The following PLAAT3 variants were observed in gnomAD, a reference collection of about 807,000 sequenced individuals.
PLAAT3 encodes phospholipase A and acyltransferase 3, also known as Ca-independent phospholipase A1/2.
Under a neutral mutation model 16.7 loss-of-function variants are expected in PLAAT3, and 21 were observed. The ratio of observed to expected loss-of-function variants is 1.26; its 90% CI spans 0.89 to 1.81. The LOEUF (loss-of-function observed/expected upper bound fraction) is 1.81, where lower values mean the gene tolerates loss of function less well. Among genes scored for constraint, PLAAT3 ranks in the 40% most tolerant of loss-of-function variants. PLAAT3 has a pLI of 0.00. For synonymous variants in PLAAT3, 76 were observed against 81.7 expected (o/e 0.93, Z 0.38); for missense variants, 219 against 213.7 (o/e 1.02, Z -0.16).
chr11:63,582,815 C>T (rs1327272131), intron 4 of PLAAT3, among the ~76,000 whole-genome samples: 1 of 152,194 alleles, frequency 6.6e-6, no homozygotes, highest in Admixed American at 6.5e-5. Flanking sequence ...TCCCCAAACT[C>T]TTCTCAACAT....
chr11:63,598,645 T>G (rs931424261), intron 2 of PLAAT3: 25 of 514,722 alleles, frequency 4.9e-5, no homozygotes, highest in African/African-American at 4.8e-4. Flanking sequence ...AGTTGGCTGA[T>G]TCCCAGCCCA....
intron 2 of PLAAT3, among the ~76,000 whole-genome samples, chr11:63,602,444 A>G (rs187484759): frequency 4.3e-4 from 65 of 152,224 alleles, no homozygotes; most frequent in African/African-American, 1.5e-3. Flanking sequence ...ATCATTATAC[A>G]CGTCACCCAT....
intron 3 of PLAAT3, among the ~76,000 whole-genome samples, chr11:63,593,755 T>C (rs2134412380): frequency 6.6e-6 from 1 of 152,296 alleles, no homozygotes; most frequent in African/African-American, 2.4e-5. Context: ...AATTTTTGTA[T>C]TTTTAATAGA....
At chr11:63,598,769 C>T in intron 2 of PLAAT3, 1 of 512,256 alleles carries the variant, frequency 2.0e-6, no homozygotes, top group South Asian at 1.4e-5. Context: ...AACACCTGGC[C>T]TGGGCCTAAT....
intron 2 of PLAAT3, among the ~76,000 whole-genome samples, chr11:63,600,922 A>T (rs1486884966): frequency 6.6e-6 from 1 of 151,918 alleles, no homozygotes; most frequent in South Asian, 2.1e-4. Context: ...TACATCCTGA[A>T]TGTGGCAACC....
At chr11:63,596,664 C>T (rs1938295945) in intron 3 of PLAAT3, among the ~76,000 whole-genome samples, 2 of 151,692 alleles carry the variant, frequency 1.3e-5, no homozygotes, top group African/African-American at 2.4e-5. Flanking sequence ...GCTCTGTATC[C>T]CCACCCAAAT....
At chr11:63,602,051 G>A (rs1938446009) in intron 2 of PLAAT3, among the ~76,000 whole-genome samples, 1 of 151,276 alleles carries the variant, frequency 6.6e-6, no homozygotes, top group Non-Finnish European at 1.5e-5. Context: ...ACTTTGGGAG[G>A]CCGAGGCAGG....
chr11:63,580,071 G>A (rs1416418064), intron 4 of PLAAT3, among the ~76,000 whole-genome samples: 1 of 152,070 alleles, frequency 6.6e-6, no homozygotes, highest in Non-Finnish European at 1.5e-5. Flanking sequence ...GCTGAAAATG[G>A]TTCCCCAAAA....
chr11:63,581,592 T>G (rs905933776), intron 4 of PLAAT3, among the ~76,000 whole-genome samples: 1 of 152,212 alleles, frequency 6.6e-6, no homozygotes, highest in African/African-American at 2.4e-5. Context: ...ACACAGACCC[T>G]CATCAGTAAT....
intron 2 of PLAAT3, among the ~76,000 whole-genome samples, chr11:63,606,804 G>T (rs1001761160): frequency 2.1e-4 from 32 of 152,242 alleles, no homozygotes; most frequent in Admixed American, 2.1e-3. Context: ...GGGTAGAACG[G>T]AGGGTCCAAG....
intron 3 of PLAAT3, among the ~76,000 whole-genome samples, chr11:63,597,769 C>T (rs1938327203): frequency 6.6e-6 from 1 of 152,152 alleles, no homozygotes; most frequent in Non-Finnish European, 1.5e-5. Context: ...GTTTCGCTCA[C>T]TTGCCCACCA....
chr11:63,613,186 CGGAGCACGAGGTCAGGAAGT>C (rs1938736233), intron 2 of PLAAT3, among the ~76,000 whole-genome samples: 1 of 152,032 alleles, frequency 6.6e-6, no homozygotes. Flanking sequence ...CCGAGGCGGG[CGGAGCACGAGGTCAGGAAGT>C]CGAGACCATC....
chr11:63,590,013 G>A, intron 4 of PLAAT3, 87 bp downstream of exon 4: 1 of 1,278,016 alleles, frequency 7.8e-7, no homozygotes, highest in South Asian at 1.3e-5. Context: ...ATTTTGTCTT[G>A]TTCATGCCTC....
At chr11:63,582,071 C>T (rs1937832314) in intron 4 of PLAAT3, among the ~76,000 whole-genome samples, 1 of 152,282 alleles carries the variant, frequency 6.6e-6, no homozygotes, top group African/African-American at 2.4e-5. Flanking sequence ...TAATTTGTTA[C>T]AGCAGCAATA....
chr11:63,603,735 CACACACACACACACACACAG>C (rs1443625352), intron 2 of PLAAT3, among the ~76,000 whole-genome samples: 48 of 142,534 alleles, frequency 3.4e-4, no homozygotes, highest in African/African-American at 1.0e-3. Context: ...CACACACACA[CACACACACACACACACACAG>C]ACAGAGATAT....
At chr11:63,608,583 G>A (rs778563079) in intron 2 of PLAAT3, 5 of 152,242 alleles carry the variant, frequency 3.3e-5, no homozygotes, top group Non-Finnish European at 7.3e-5. Context: ...TAACCCAAGG[G>A]TTGAAACAAA....
At position 63,583,729 on chromosome 11, in the gene PLAAT3, T is replaced by C. The variant is rs76769147; in HGVS notation, c.387+6371A>G. On this transcript the variant is annotated intron_variant, in intron 4 of 4. Coordinates refer to ENST00000415826, the MANE Select transcript of PLAAT3 (RefSeq NM_001128203.2). ...TGGGCTACCTGGTGTGTGTCACAGG[T>C]CTTAAATCAGGATATCAGGATATTG... Among the ~76,000 whole-genome samples, 463 of 152,290 alleles carry C rather than the reference T, an allele frequency of 3.0e-3. 3 individuals are homozygous for C. The highest frequency in any genetic ancestry group is 0.01 in the African/African-American group (436 of 41,570).
chr11:63,590,532 G>A (rs1938126270), intron 3 of PLAAT3, among the ~76,000 whole-genome samples, 164 bp from the exon 4 acceptor site: 1 of 152,148 alleles, frequency 6.6e-6, no homozygotes, highest in South Asian at 2.1e-4. Flanking sequence ...AGGTGTGTGT[G>A]GTCTCTGGGC....
At chr11:63,598,346 G>A (rs568317054) in intron 2 of PLAAT3, among the ~76,000 whole-genome samples, 183 bp from the exon 3 acceptor site, 1 of 152,354 alleles carries the variant, frequency 6.6e-6, no homozygotes, top group East Asian at 1.9e-4. Flanking sequence ...CAGACCTGCA[G>A]GCACCATGGG....
Sources: allele counts gnomAD v4.1 joint callset (sites outside exome capture counted in the v4.1 genomes callset), GRCh38; gene constraint gnomAD v4.1.1; transcripts MANE v1.5; gene names NCBI Gene and HGNC (gene_info 2026-07-23, HGNC 2026-07-21).